The following AGTPBP1 variants were observed in gnomAD, a reference collection of about 807,000 sequenced individuals.
AGTPBP1 encodes the protein ATP/GTP binding carboxypeptidase 1, also known as cytosolic carboxypeptidase 1.
Under a neutral mutation model 143.9 loss-of-function variants are expected in AGTPBP1, and 70 were observed. That is an observed-to-expected ratio of 0.49 (90% CI 0.40 to 0.59). AGTPBP1 has a LOEUF of 0.59. Ranked by LOEUF, AGTPBP1 falls within the 20% of genes least tolerant of loss-of-function variation. AGTPBP1 has a pLI of 0.00. For synonymous variants in AGTPBP1, 463 were observed against 500.2 expected (o/e 0.93, Z 0.99); for missense variants, 1,229 against 1,464.5 (o/e 0.84, Z 2.62).
At chr9:85,715,251 A>C (rs189093104) in intron 1 of AGTPBP1, among the ~76,000 whole-genome samples, 1 of 151,846 alleles carries the variant, frequency 6.6e-6, no homozygotes, top group South Asian at 2.1e-4. Context: ...GTCTCAAAAA[A>C]AAAAAGAAAA....
At chr9:85,789,086 AG>A in the AGTPBP1 span, among the ~76,000 whole-genome samples, 6,794 of 152,176 alleles carry the variant, frequency 0.045, 503 homozygotes, top group African/African-American at 0.15. Context: ...AACAACGATT[AG>A]GTTTGATTAT....
At position 85,590,932 on chromosome 9, in the gene AGTPBP1, T is replaced by C. The variant is rs372598246; in HGVS notation, c.2569-1251A>G. Among the ~76,000 whole-genome samples, 95 of 152,274 alleles carry C rather than the reference T, an allele frequency of 6.2e-4. 1 individual carries two copies. The Middle Eastern group carries it at 0.017, about 27-fold the overall frequency. On this transcript the variant is annotated intron_variant, in intron 19 of 25. Transcript: ENST00000357081. ...AGCATAGTATACATACCACTGGTAA[T>C]TGAGATAACTAAGTGATATGTAGAT...
chr9:85,647,936 G>A (rs539732376), intron 11 of AGTPBP1, among the ~76,000 whole-genome samples: 3 of 152,222 alleles, frequency 2.0e-5, no homozygotes, highest in African/African-American at 7.2e-5. Context: ...AAGAAGATAG[G>A]CACTGAGAAT....
chr9:85,712,115 A>C (rs1837418247), intron 2 of AGTPBP1, among the ~76,000 whole-genome samples: 1 of 152,124 alleles, frequency 6.6e-6, no homozygotes, highest in Non-Finnish European at 1.5e-5. Context: ...AGTACAAAAA[A>C]TCAGCCGGGT....
Position 85,633,238 on chromosome 9 carries a change from T to C in AGTPBP1, c.1439A>G (p.Asn480Ser), listed in dbSNP as rs773488282. ...ACCTTCATCTCCTTTAGAAGATATG[T>C]TCTCCTTCATTACAACTTTTCTTAA... ...GNLRKVVMKE[N>S]ISSKGDEGEK... The change falls in exon 14 of 26, where the codon AAC (asparagine) becomes AGC (serine). Residue 480 changes from asparagine to serine, a missense_variant. By Grantham distance (46) the Asn-to-Ser change is conservative. Around this residue, in one of 2 missense-constraint regions of AGTPBP1, gnomAD observed 743 missense variants for 812.2 expected, o/e 0.91. Coordinates refer to ENST00000357081, the MANE Select transcript of AGTPBP1 (RefSeq NM_001330701.2). The C allele has an allele frequency of 2.5e-6, 4 of 1,614,016 alleles. No individual in the cohort carries two copies. The South Asian group carries it at 4.4e-5, about 18-fold the overall frequency.
At chr9:85,572,868 C>T (rs1827600813) in intron 25 of AGTPBP1, among the ~76,000 whole-genome samples, 1 of 152,128 alleles carries the variant, frequency 6.6e-6, no homozygotes, top group South Asian at 2.1e-4. Flanking sequence ...GAATGGAGTT[C>T]CAAGTAATGT....
intron 3 of AGTPBP1, among the ~76,000 whole-genome samples, chr9:85,691,840 T>A (rs1835897909): frequency 6.6e-6 from 1 of 152,182 alleles, no homozygotes; most frequent in South Asian, 2.1e-4. Context: ...ATCAATTTAG[T>A]ACTATTACCA....
chr9:85,577,898 T>A (rs1827996916), intron 24 of AGTPBP1, among the ~76,000 whole-genome samples: 1 of 152,224 alleles, frequency 6.6e-6, no homozygotes, highest in African/African-American at 2.4e-5. Context: ...ATAATATGTT[T>A]ACATTTTAAA....
intron 8 of AGTPBP1, among the ~76,000 whole-genome samples, chr9:85,661,806 A>T (rs371764281): frequency 1.2e-4 from 18 of 152,298 alleles, no homozygotes; most frequent in Admixed American, 5.2e-4. Flanking sequence ...TGTAAGGCAC[A>T]TACTATGGTA....
chr9:85,563,016 A>G (rs1001640902), intron 25 of AGTPBP1, among the ~76,000 whole-genome samples: 12 of 152,214 alleles, frequency 7.9e-5, no homozygotes, highest in Non-Finnish European at 1.2e-4. Flanking sequence ...ACCACTGTCT[A>G]TCAAAGAACA....
chr9:85,589,495 G>T, intron 20 of AGTPBP1, 33 bp downstream of exon 20: 1 of 1,573,344 alleles, frequency 6.4e-7, no homozygotes, highest in South Asian at 1.2e-5. Context: ...AGGTGAGAAT[G>T]ACTGCTATTG....
At chr9:85,716,301 C>G (rs557897491) in intron 1 of AGTPBP1, among the ~76,000 whole-genome samples, 2 of 152,282 alleles carry the variant, frequency 1.3e-5, no homozygotes, top group African/African-American at 4.8e-5. Flanking sequence ...CCTCACTGAC[C>G]ACTTCTAAGT....
At chr9:85,574,280 A>T (rs541162124) in intron 25 of AGTPBP1, among the ~76,000 whole-genome samples, 5 of 152,020 alleles carry the variant, frequency 3.3e-5, no homozygotes, top group African/African-American at 4.8e-5. Flanking sequence ...CAGCATGCTC[A>T]TTAAGAGTCA....
At chr9:85,803,292 C>T in the AGTPBP1 span, among the ~76,000 whole-genome samples, 2,204 of 152,282 alleles carry the variant, frequency 0.014, 29 homozygotes, top group Middle Eastern at 0.034. Flanking sequence ...TGCTTTTCAA[C>T]CTCTGTGGTT....
chr9:85,683,325 ATT>A (rs1835302653), intron 3 of AGTPBP1, among the ~76,000 whole-genome samples: 1 of 152,190 alleles, frequency 6.6e-6, no homozygotes, highest in Non-Finnish European at 1.5e-5. Context: ...AAAATAAAAC[ATT>A]GTTTCAAATA....
At chr9:85,799,066 G>A in the AGTPBP1 span, among the ~76,000 whole-genome samples, 1 of 152,098 alleles carries the variant, frequency 6.6e-6, no homozygotes, top group Non-Finnish European at 1.5e-5. Context: ...CCATCTATGA[G>A]TGAGAACGTG....
chr9:85,622,922 A>G (rs1161702869), intron 14 of AGTPBP1, among the ~76,000 whole-genome samples: 1 of 152,232 alleles, frequency 6.6e-6, no homozygotes, highest in Non-Finnish European at 1.5e-5. Context: ...TATTTAATTA[A>G]TAAGGTTGAT....
At chr9:85,729,829 TATC>T (rs1222073752) in intron 1 of AGTPBP1, among the ~76,000 whole-genome samples, 6 of 152,138 alleles carry the variant, frequency 3.9e-5, no homozygotes, top group African/African-American at 1.4e-4. Context: ...CACAGTGAAA[TATC>T]ATCACCTCAC....
chr9:85,708,155 G>A (rs1419576377), intron 2 of AGTPBP1, among the ~76,000 whole-genome samples: 1 of 152,102 alleles, frequency 6.6e-6, no homozygotes, highest in African/African-American at 2.4e-5. Context: ...CCAGTTTCTA[G>A]AGGTCACCTG....
Sources: gnomAD v4.1 joint callset for allele counts (sites outside exome capture counted in the v4.1 genomes callset) on GRCh38, gnomAD v4.1.1 for gene constraint, gnomAD v4.1.1 regional missense constraint, MANE v1.5 for transcripts, NCBI Gene and HGNC (gene_info 2026-07-23, HGNC 2026-07-21) for gene names.